The following IQCJ variants were observed in gnomAD, a reference collection of about 807,000 sequenced individuals.
IQCJ encodes the protein IQ domain-containing protein J.
A neutral mutation model predicts 11.0 loss-of-function variants in IQCJ; 9 were observed. The ratio of observed to expected loss-of-function variants is 0.82; its 90% confidence interval spans 0.49 to 1.43. IQCJ has a LOEUF of 1.43. Among genes scored for constraint, IQCJ ranks in the 40% most tolerant of loss-of-function variants. The pLI is 0.00. For synonymous variants in IQCJ, 55 were observed against 51.3 expected (o/e 1.07, Z -0.31); for missense variants, 146 against 133.2 (o/e 1.10, Z -0.47).
Position 159,262,820 on chromosome 3 carries a change from C to T in IQCJ, c.*89C>T. On this transcript the variant is annotated 3_prime_UTR_variant, in exon 4 of 4. Transcript: ENST00000397832. ...AGATCTATGTAGCTTATTTGCTACC[C>T]AGGAACCCATGGTGAGAGTTTTGTC... 6.8e-7 allele frequency: 1 copy of T among 1,479,740 alleles called. No homozygotes were observed. The highest frequency in any genetic ancestry group is 9.0e-7 in the Non-Finnish European group (1 of 1,110,404). 91.7% of individuals were successfully genotyped at this position (1,479,740 alleles called of 1,614,324 possible). A position where few individuals can be genotyped will look rare whatever the true frequency, so the allele number is the denominator to read the frequency against.
intron 1 of IQCJ, among the ~76,000 whole-genome samples, chr3:159,136,149 A>G (rs1720277794): frequency 6.6e-6 from 1 of 152,184 alleles, no homozygotes; most frequent in South Asian, 2.1e-4. Context: ...CTGACTCTTT[A>G]TCAGTACTGT....
chr3:159,138,191 C>G (rs1371169319), intron 1 of IQCJ, among the ~76,000 whole-genome samples: 1 of 152,186 alleles, frequency 6.6e-6, no homozygotes, highest in Non-Finnish European at 1.5e-5. Flanking sequence ...GACTGACAGT[C>G]TGGTTTTTCC....
At chr3:159,150,597 C>CAT (rs1721156273) in intron 1 of IQCJ, among the ~76,000 whole-genome samples, 1 of 151,348 alleles carries the variant, frequency 6.6e-6, no homozygotes, top group Non-Finnish European at 1.5e-5. Flanking sequence ...CACACACACA[C>CAT]ACACACACAC....
intron 1 of IQCJ, among the ~76,000 whole-genome samples, chr3:159,137,014 A>G (rs1720328367): frequency 6.6e-6 from 1 of 152,192 alleles, no homozygotes; most frequent in Non-Finnish European, 1.5e-5. Context: ...CTGTAATCCC[A>G]GCACTTTGGG....
chr3:159,212,167 T>C (rs1026308317), intron 1 of IQCJ, among the ~76,000 whole-genome samples: 1 of 152,036 alleles, frequency 6.6e-6, no homozygotes, highest in Non-Finnish European at 1.5e-5. Flanking sequence ...TGTGCCCTTT[T>C]GGATAGGAAC....
intron 1 of IQCJ, among the ~76,000 whole-genome samples, chr3:159,167,183 C>A (rs1255217087): frequency 2.0e-5 from 3 of 152,214 alleles, no homozygotes; most frequent in African/African-American, 7.2e-5. Context: ...ACATGAAAAT[C>A]TACTGGATTC....
At chr3:159,165,810 T>A (rs922828266) in intron 1 of IQCJ, among the ~76,000 whole-genome samples, 4 of 138,390 alleles carry the variant, frequency 2.9e-5, no homozygotes, top group Non-Finnish European at 4.7e-5. Flanking sequence ...TTTTTTTTTT[T>A]AGTAAAGACA....
At chr3:159,116,233 C>CA (rs1009412885) in intron 1 of IQCJ, among the ~76,000 whole-genome samples, 3 of 149,586 alleles carry the variant, frequency 2.0e-5, no homozygotes, top group Admixed American at 6.6e-5. Context: ...GACTCTGTCT[C>CA]AAAAAAAGAG....
intron 1 of IQCJ, among the ~76,000 whole-genome samples, chr3:159,088,564 G>T (rs902997305): frequency 9.9e-5 from 15 of 152,132 alleles, no homozygotes; most frequent in Admixed American, 9.2e-4. Context: ...AAGTCTCTTG[G>T]TAGGTCTCTA....
At chr3:159,112,733 G>A (rs1718711761) in intron 1 of IQCJ, among the ~76,000 whole-genome samples, 1 of 152,108 alleles carries the variant, frequency 6.6e-6, no homozygotes, top group Admixed American at 6.5e-5. Flanking sequence ...ACACAAACTG[G>A]GGTCCTCAGG....
chr3:159,265,519 A>T (rs1728450834), downstream of IQCJ: 2 of 792,894 alleles, frequency 2.5e-6, no homozygotes, highest in Non-Finnish European at 3.9e-6. Flanking sequence ...CTTCTGTGTT[A>T]AAAGCCTTCA....
rs561987779 is a variant in IQCJ at position 159,178,613 on chromosome 3, T to C, written c.10-67230T>C. 5.3e-5 allele frequency among the ~76,000 whole-genome samples: 8 copies of C among 152,340 alleles called. No individual in the cohort carries two copies. In the South Asian group the frequency reaches 8.3e-4, roughly 16 times the overall value. On this transcript the variant is annotated intron_variant, in intron 1 of 3. Coordinates refer to ENST00000397832, the MANE Select transcript of IQCJ (RefSeq NM_001042706.3). ...TGCCCCTCATGTTGCACCCTTGCGT[T>C]GTATGCTTTCTCACCTTTTCACTGT...
intron 1 of IQCJ, among the ~76,000 whole-genome samples, chr3:159,131,542 C>G (rs1163133078): frequency 6.6e-6 from 1 of 152,144 alleles, no homozygotes; most frequent in Non-Finnish European, 1.5e-5. Flanking sequence ...AACTCAGTCT[C>G]CAGGATAAAC....
At chr3:159,149,523 C>T (rs1721094244) in intron 1 of IQCJ, among the ~76,000 whole-genome samples, 1 of 152,014 alleles carries the variant, frequency 6.6e-6, no homozygotes, top group Admixed American at 6.5e-5. Flanking sequence ...AAACGTTAAA[C>T]ATTAAGAGGC....
intron 1 of IQCJ, among the ~76,000 whole-genome samples, chr3:159,131,396 G>A (rs1318868171): frequency 1.3e-5 from 2 of 150,650 alleles, no homozygotes; most frequent in South Asian, 2.1e-4. Flanking sequence ...CCAGCTCCCT[G>A]GCCAGTTAGC....
rs1382201130 is a variant in IQCJ, at chr3:159,202,577, C to T, written c.10-43266C>T. Among the ~76,000 whole-genome samples the T allele has an allele frequency of 2.0e-5, 3 of 152,120 alleles. No homozygotes were observed. In the East Asian group the frequency reaches 5.8e-4, roughly 29 times the overall value. ...CTGTTCCTTCATGGTTCCTCTTGGT[C>T]CTGTTGGCTTTTCCTAATCTGCACC... On this transcript the variant is annotated intron_variant, in intron 1 of 3. Transcript: ENST00000397832.
chr3:159,210,362 C>T (rs1028317833), intron 1 of IQCJ, among the ~76,000 whole-genome samples: 1 of 152,086 alleles, frequency 6.6e-6, no homozygotes, highest in Non-Finnish European at 1.5e-5. Context: ...TATGTGTAAA[C>T]CTCCAATTAA....
At chr3:159,134,544 A>G (rs1720176644) in intron 1 of IQCJ, among the ~76,000 whole-genome samples, 1 of 152,230 alleles carries the variant, frequency 6.6e-6, no homozygotes, top group Admixed American at 6.5e-5. Context: ...CCACATTTAT[A>G]CAAAGAAGAG....
At chr3:159,234,631 A>G (rs1163541483) in intron 1 of IQCJ, among the ~76,000 whole-genome samples, 1 of 152,166 alleles carries the variant, frequency 6.6e-6, no homozygotes, top group Non-Finnish European at 1.5e-5. Context: ...CTGTCTCTAC[A>G]ATAATAAAAA....
Sources: allele counts gnomAD v4.1 joint callset (sites outside exome capture counted in the v4.1 genomes callset), GRCh38; gene constraint gnomAD v4.1.1; transcripts MANE v1.5; gene names NCBI Gene and HGNC (gene_info 2026-07-23, HGNC 2026-07-21).